Variants in PRTFDC1 observed in about 807,000 individuals in gnomAD.
PRTFDC1 encodes phosphoribosyl transferase domain containing 1.
A neutral mutation model predicts 34.6 loss-of-function variants in PRTFDC1; 38 were observed. The ratio of observed to expected loss-of-function variants is 1.10; its 90% CI spans 0.85 to 1.44. The LOEUF (loss-of-function observed/expected upper bound fraction) is 1.44. Ranked by LOEUF, PRTFDC1 falls within the 40% of genes most tolerant of loss-of-function variation. The pLI, the probability that PRTFDC1 is intolerant of heterozygous loss-of-function variation, is 0.00. For missense variants in PRTFDC1, 270 were observed against 283.0 expected, an observed-to-expected ratio of 0.95 and a Z score of 0.33; for synonymous variants, 93 against 98.1, an observed-to-expected ratio of 0.95 and a Z score of 0.31.
chr10:24,920,301 A>G (rs1466931209), intron 3 of PRTFDC1, among the ~76,000 whole-genome samples: 3 of 149,976 alleles, frequency 2.0e-5, no homozygotes, highest in Non-Finnish European at 2.9e-5. Context: ...GTGTGTGTGT[A>G]TATATATATG....
chr10:24,937,225 C>G lies in PRTFDC1; in HGVS notation c.298G>C (p.Val100Leu). 6.2e-7 allele frequency: 1 copy of G among 1,613,776 alleles called. No individual in the cohort carries two copies. The highest frequency in any genetic ancestry group is 8.5e-7 in the Non-Finnish European group (1 of 1,179,964). ...KNISRNSDRF[V>L]SMKVDFIRLK... ...CTGATGAAATCAACCTTCATTGAGA[C>G]AAATCGATCTGAATTTCGGCTGATG... is the stretch of plus-strand genomic sequence containing the variant. Residue 100 changes from valine (V) to leucine (L), a missense_variant, in exon 3 of 9, where the codon GTC (valine) becomes CTC (leucine). By Grantham distance (32) the Val-to-Leu change is conservative (BLOSUM62 1). Coordinates refer to ENST00000320152, the MANE Select transcript of PRTFDC1 (RefSeq NM_020200.7).
intron 3 of PRTFDC1, among the ~76,000 whole-genome samples, chr10:24,926,181 T>C (rs1388632462): frequency 6.6e-6 from 1 of 152,190 alleles, no homozygotes; most frequent in South Asian, 2.1e-4. Context: ...AGCTAACCCC[T>C]CTGGCCTCCA....
chr10:24,882,528 C>T (rs527577967), intron 3 of PRTFDC1, among the ~76,000 whole-genome samples: 1 of 152,252 alleles, frequency 6.6e-6, no homozygotes, highest in South Asian at 2.1e-4. Context: ...TGCTTCTTCC[C>T]CACCCACTTT....
chr10:24,852,639 CCTT>C (rs1490189483), intron 7 of PRTFDC1, among the ~76,000 whole-genome samples: 1 of 152,186 alleles, frequency 6.6e-6, no homozygotes, highest in Admixed American at 6.5e-5. Flanking sequence ...CAATAGCTCT[CCTT>C]CTTCAGAAGT....
intron 7 of PRTFDC1, among the ~76,000 whole-genome samples, chr10:24,852,307 C>A (rs927234751): frequency 4.6e-5 from 7 of 152,192 alleles, no homozygotes; most frequent in Admixed American, 2.0e-4. Flanking sequence ...CGTGTGCCAC[C>A]ATGCCAGGCT....
At chr10:24,857,129 G>T (rs1209084863) in intron 5 of PRTFDC1, 134 bp from the exon 6 acceptor site, 1 of 769,190 alleles carries the variant, frequency 1.3e-6, no homozygotes, top group Non-Finnish European at 2.3e-6. Context: ...ACAGTAGGAG[G>T]AAGAGTTGGT....
intron 7 of PRTFDC1, among the ~76,000 whole-genome samples, chr10:24,853,012 C>T (rs1847516178): frequency 6.6e-6 from 1 of 151,924 alleles, no homozygotes; most frequent in African/African-American, 2.4e-5. Context: ...GCTAGGAAGC[C>T]TGCTTGATTC....
intron 8 of PRTFDC1, among the ~76,000 whole-genome samples, 188 bp downstream of exon 8, chr10:24,851,200 C>T (rs1847480620): frequency 6.6e-6 from 1 of 152,190 alleles, no homozygotes; most frequent in South Asian, 2.1e-4. Flanking sequence ...TTGCCTCTAT[C>T]ATCCTGATAC....
chr10:24,939,998 T>C (rs1427376538), intron 2 of PRTFDC1, among the ~76,000 whole-genome samples: 1 of 151,526 alleles, frequency 6.6e-6, no homozygotes, highest in Non-Finnish European at 1.5e-5. Flanking sequence ...AATAAGGAGG[T>C]CGATTATCCA....
intron 3 of PRTFDC1, among the ~76,000 whole-genome samples, chr10:24,880,778 G>A (rs1401106841): frequency 1.3e-5 from 2 of 151,944 alleles, no homozygotes; most frequent in Non-Finnish European, 2.9e-5. Flanking sequence ...GCCATTGCGT[G>A]GGCAAAATTT....
intron 3 of PRTFDC1, among the ~76,000 whole-genome samples, chr10:24,907,350 T>C (rs1848552605): frequency 6.6e-6 from 1 of 152,096 alleles, no homozygotes; most frequent in Admixed American, 6.6e-5. Flanking sequence ...ATCCCAGCAC[T>C]TTCGGAGGCT....
chr10:24,908,301 T>C (rs1848567766), intron 3 of PRTFDC1: 2 of 653,408 alleles, frequency 3.1e-6, no homozygotes, highest in Admixed American at 6.1e-5. Context: ...GACTACCACA[T>C]TGTATTTCAA....
intron 6 of PRTFDC1, 76 bp downstream of exon 6, chr10:24,856,837 G>T: frequency 7.7e-7 from 1 of 1,292,618 alleles, no homozygotes; most frequent in South Asian, 1.2e-5. Flanking sequence ...TCTTTGGAAA[G>T]AGCATCCTGT....
At position 24,952,174 on chromosome 10, in the gene PRTFDC1, G is replaced by A. The variant is rs1012376840; in HGVS notation, c.48+354C>T. 2.0e-5 allele frequency among the ~76,000 whole-genome samples: 3 copies of A among 152,218 alleles called. No individual in the cohort carries two copies. The highest frequency in any genetic ancestry group is 4.8e-5 in the African/African-American group (2 of 41,456). ...AGACCCAGGAAGAAGGAGGCCTCCA[G>A]AGCAGCACGCGGGGGTCTCTGGGGC... is the stretch of plus-strand genomic sequence containing the variant. On this transcript the variant is annotated intron_variant, in intron 1 of 8. Transcript: ENST00000320152. This position sits in a 1 kb window ranked among gnomAD's most constrained non-coding sequence, Gnocchi z 5.1.
intron 4 of PRTFDC1, chr10:24,868,285 A>G (rs1327592159): frequency 6.6e-6 from 1 of 151,970 alleles, no homozygotes; most frequent in Non-Finnish European, 1.5e-5. Flanking sequence ...CTCTAAGACT[A>G]TCTGAATCCT....
chr10:24,938,723 A>T (rs763052348), intron 2 of PRTFDC1, among the ~76,000 whole-genome samples: 10 of 152,180 alleles, frequency 6.6e-5, no homozygotes, highest in Non-Finnish European at 1.3e-4. Flanking sequence ...ATCTCAATTG[A>T]CCAGAGGCTG....
chr10:24,854,710 GAAGTC>G (rs1847543350), intron 7 of PRTFDC1, among the ~76,000 whole-genome samples: 2 of 152,178 alleles, frequency 1.3e-5, no homozygotes, highest in Non-Finnish European at 2.9e-5. Flanking sequence ...ACACACATCT[GAAGTC>G]AAGTGTGAAG....
chr10:24,942,098 T>A (rs940737989), intron 2 of PRTFDC1, among the ~76,000 whole-genome samples: 1 of 152,238 alleles, frequency 6.6e-6, no homozygotes, highest in Non-Finnish European at 1.5e-5. Flanking sequence ...TAATAGCTTA[T>A]GTATGTATAT....
At chr10:24,875,927 C>T (rs1241730957) in intron 3 of PRTFDC1, among the ~76,000 whole-genome samples, 1 of 146,418 alleles carries the variant, frequency 6.8e-6, no homozygotes, top group Non-Finnish European at 1.5e-5. Context: ...GTAATCATAG[C>T]TCATTGCACC....
Sources: gnomAD v4.1 joint callset for allele counts (sites outside exome capture counted in the v4.1 genomes callset) on GRCh38, gnomAD v4.1.1 for gene constraint, Gnocchi (gnomAD v3.1) non-coding constraint, MANE v1.5 for transcripts, NCBI Gene and HGNC (gene_info 2026-07-23, HGNC 2026-07-21) for gene names.